The following CCDC138 variants were observed in gnomAD, a reference collection of about 807,000 sequenced individuals.
CCDC138 encodes coiled-coil domain containing 138.
A neutral mutation model predicts 82.3 loss-of-function variants in CCDC138; 66 were observed. The observed-to-expected ratio is 0.80, with a 90% CI of 0.66 to 0.98. The LOEUF is 0.98. Among genes scored for constraint, CCDC138 ranks in the 50% least tolerant of loss-of-function variants. CCDC138 has a pLI of 0.00. For missense variants in CCDC138, 816 were observed against 758.9 expected (o/e 1.08, Z -0.88); for synonymous variants, 297 against 265.4 (o/e 1.12, Z -1.16).
chr2:108,805,213 A>T (rs1019149834), intron 7 of CCDC138, among the ~76,000 whole-genome samples: 1 of 152,166 alleles, frequency 6.6e-6, no homozygotes, highest in Non-Finnish European at 1.5e-5. Context: ...CTGGCAACCA[A>T]CTGACAAACA....
chr2:108,813,248 CAAAAAAAA>C (rs371435296), intron 9 of CCDC138, among the ~76,000 whole-genome samples: 6 of 63,542 alleles, frequency 9.4e-5, no homozygotes, highest in African/African-American at 2.2e-4. Flanking sequence ...GACTCCGTCT[CAAAAAAAA>C]AAAAAAAAAA....
chr2:108,880,226 A>AACAAAC (rs72530097), downstream of CCDC138, among the ~76,000 whole-genome samples: 1 of 57,124 alleles, frequency 1.8e-5, no homozygotes, highest in African/African-American at 3.8e-5. Flanking sequence ...AAAACAAACA[A>AACAAAC]AAAAAAAAAC....
chr2:108,834,792 C>CT (rs1355929986), intron 10 of CCDC138, among the ~76,000 whole-genome samples: 1 of 152,198 alleles, frequency 6.6e-6, no homozygotes, highest in Non-Finnish European at 1.5e-5. Flanking sequence ...AGTCTCTCGT[C>CT]TACTTTCTAT....
chr2:108,854,617 G>GGCTTAGCTCAAC (rs1308977261), intron 12 of CCDC138, among the ~76,000 whole-genome samples: 2 of 152,108 alleles, frequency 1.3e-5, no homozygotes, highest in Non-Finnish European at 2.9e-5. Flanking sequence ...GAGACTTAGT[G>GGCTTAGCTCAAC]GCTTAGCTCA....
chr2:108,871,700 G>A (rs149760114), intron 13 of CCDC138, among the ~76,000 whole-genome samples: 144 of 152,190 alleles, frequency 9.5e-4, no homozygotes, highest in African/African-American at 3.2e-3. Flanking sequence ...TAAATACTGT[G>A]TTCTACACAG....
intron 7 of CCDC138, among the ~76,000 whole-genome samples, chr2:108,809,264 T>C (rs1683366741): frequency 6.6e-6 from 1 of 152,244 alleles, no homozygotes; most frequent in African/African-American, 2.4e-5. Context: ...CCTCCAGTTT[T>C]GTTGTTTTCG....
Position 108,786,841 on chromosome 2 carries a change from A to G in CCDC138, c.19A>G (p.Lys7Glu), listed in dbSNP as rs1485834537. 8 of 1,592,546 alleles carry G rather than the reference A, an allele frequency of 5.0e-6. No individual in the cohort carries two copies. In the Admixed American group the frequency reaches 1.4e-4, roughly 28 times the overall value. Reference protein sequence around the residue: MEPRVVKPPGQDLVVES... With the variant: MEPRVVEPPGQDLVVES... ...GTGTGCTATGGAGCCGAGGGTCGTC[A>G]AGCCACCGGGGCAGGATTTAGTAGT... The change falls in exon 1 of 15, where the codon AAG becomes GAG. Residue 7 changes from lysine (K) to glutamate (E), a missense_variant. Physicochemically the swap from Lys to Glu is moderately conservative, Grantham distance 56. Coordinates refer to ENST00000295124, the MANE Select transcript of CCDC138 (RefSeq NM_144978.3).
At chr2:108,837,684 TACATA>T (rs1688798613) in intron 10 of CCDC138, among the ~76,000 whole-genome samples, 1 of 152,316 alleles carries the variant, frequency 6.6e-6, no homozygotes, top group Middle Eastern at 3.4e-3. Context: ...CTATGTAGAG[TACATA>T]ATACTTGATC....
chr2:108,791,680 A>T lies in CCDC138; in HGVS notation c.272A>T (p.Asp91Val), dbSNP rs887584925. 6.2e-7 allele frequency: 1 copy of T among 1,605,716 alleles called. No individual in the cohort carries two copies. Among genetic ancestry groups the T allele is most frequent in the Non-Finnish European group, 8.5e-7 (1 of 1,174,910 alleles). The change falls in exon 4 of 15, where the codon GAT (aspartate) becomes GTT (valine). Residue 91 changes from aspartate to valine, a missense_variant. By Grantham distance (152) the Asp-to-Val change is radical (BLOSUM62 -3). Coordinates refer to ENST00000295124, the MANE Select transcript of CCDC138 (RefSeq NM_144978.3). ...LFKHVNVNCL[D>V]DELDSFHDLK... The stretch of plus-strand genomic sequence containing the variant: ...ATACAATTATTTTTTTAAAGCCTAG[A>T]TGATGAACTGGATTCTTTCCATGAT...
At chr2:108,858,790 A>T (rs1490457756) in intron 13 of CCDC138, among the ~76,000 whole-genome samples, 1 of 151,896 alleles carries the variant, frequency 6.6e-6, no homozygotes, top group East Asian at 1.9e-4. Flanking sequence ...GCTTCAACTG[A>T]ACTCGTCATT....
At chr2:108,811,105 T>C (rs72836510) in intron 7 of CCDC138, among the ~76,000 whole-genome samples, 2 of 6,946 alleles carry the variant, frequency 2.9e-4, no homozygotes, top group African/African-American at 5.5e-4. Context: ...CTTTTCTTTT[T>C]TTTTTTCTTT....
rs576714555 is a variant in CCDC138 at position 108,809,898 on chromosome 2, TG to T, written c.856-2730del. On this transcript the variant is annotated intron_variant, in intron 7 of 14. Transcript: ENST00000295124. ...TCTGCTCACTGCAACCTCCACCTCC[TG>T]GGTTCACACAATTCTCCTGCCTCAG... Among the ~76,000 whole-genome samples, 103 of 152,270 alleles carry T rather than the reference TG, an allele frequency of 6.8e-4. 1 individual carries two copies. The highest frequency in any genetic ancestry group is 3.4e-3 in the Middle Eastern group (1 of 294).
intron 10 of CCDC138, among the ~76,000 whole-genome samples, chr2:108,832,833 G>T (rs1192362753): frequency 1.3e-5 from 2 of 152,162 alleles, no homozygotes; most frequent in Non-Finnish European, 2.9e-5. Context: ...TATGGGTGAG[G>T]TATGATGTGA....
At chr2:108,827,197 T>C (rs1354964493) in intron 10 of CCDC138, among the ~76,000 whole-genome samples, 7 of 152,148 alleles carry the variant, frequency 4.6e-5, no homozygotes, top group Non-Finnish European at 1.0e-4. Context: ...TTCATCACTT[T>C]AAAATAATAA....
intron 7 of CCDC138, among the ~76,000 whole-genome samples, chr2:108,806,895 T>C (rs981023680): frequency 1.3e-5 from 2 of 152,198 alleles, no homozygotes; most frequent in Non-Finnish European, 2.9e-5. Flanking sequence ...ATAGTCCCAG[T>C]GAACACCCCA....
intron 11 of CCDC138, among the ~76,000 whole-genome samples, chr2:108,843,825 ATTTC>A (rs1346455534): frequency 8.6e-5 from 7 of 81,202 alleles, no homozygotes; most frequent in Admixed American, 7.2e-4. Flanking sequence ...TTCAGTCATT[ATTTC>A]TTCAAGTTCA....
chr2:108,873,305 T>C (rs1695552889), intron 13 of CCDC138, 146 bp from the exon 14 acceptor site: 1 of 658,130 alleles, frequency 1.5e-6, no homozygotes, highest in Admixed American at 3.7e-5. Flanking sequence ...CAAATGATGA[T>C]ATTTTCACTC....
At chr2:108,823,898 A>G (rs570593465) in intron 10 of CCDC138, among the ~76,000 whole-genome samples, 1 of 152,142 alleles carries the variant, frequency 6.6e-6, no homozygotes, top group East Asian at 1.9e-4. Flanking sequence ...AATTGCTTTA[A>G]CACGGGAGGC....
chr2:108,874,955 A>G (rs1695809138), intron 14 of CCDC138, among the ~76,000 whole-genome samples: 2 of 151,964 alleles, frequency 1.3e-5, no homozygotes, highest in South Asian at 4.2e-4. Flanking sequence ...CCAAAGTGCA[A>G]GTATAACCTT....
Sources: allele counts gnomAD v4.1 joint callset (sites outside exome capture counted in the v4.1 genomes callset), GRCh38; gene constraint gnomAD v4.1.1; transcripts MANE v1.5; gene names NCBI Gene and HGNC (gene_info 2026-07-23, HGNC 2026-07-21).